Variants in HERC4 observed in about 807,000 individuals in gnomAD.
The protein encoded by HERC4 is HECT and RLD domain containing E3 ubiquitin protein ligase 4.
Under a neutral mutation model 124.3 loss-of-function variants are expected in HERC4, and 28 were observed. That is an observed-to-expected ratio of 0.23 (90% CI 0.17 to 0.31). The LOEUF (loss-of-function observed/expected upper bound fraction) is 0.31. HERC4 is among the 10% of genes least tolerant of loss of function. The pLI, the probability that HERC4 is intolerant of heterozygous loss-of-function variation, is 1.00. For synonymous variants in HERC4, 407 were observed against 421.5 expected (o/e 0.97, Z 0.42); for missense variants, 713 against 1,229.3 (o/e 0.58, Z 6.28).
intron 8 of HERC4, among the ~76,000 whole-genome samples, chr10:68,015,362 G>A (rs961166202): frequency 6.6e-6 from 1 of 152,178 alleles, no homozygotes; most frequent in Admixed American, 6.5e-5. Flanking sequence ...GCCCAGTTAA[G>A]CCCGGCCAAA....
intron 15 of HERC4, among the ~76,000 whole-genome samples, chr10:67,978,849 T>C (rs1354506334): frequency 2.6e-5 from 4 of 152,164 alleles, no homozygotes; most frequent in Non-Finnish European, 4.4e-5. Context: ...AGAGAATTCT[T>C]CCAGACCTTG....
At chr10:68,039,434 G>A (rs1189907634) in intron 4 of HERC4, 1 of 1,550,660 alleles carries the variant, frequency 6.4e-7, no homozygotes, top group Admixed American at 2.0e-5. Flanking sequence ...TGCCATAAGA[G>A]AGTCCGGAGC....
At chr10:68,055,707 T>C (rs964070831) in intron 3 of HERC4, among the ~76,000 whole-genome samples, 23 of 152,220 alleles carry the variant, frequency 1.5e-4, no homozygotes, top group Admixed American at 1.5e-3. Flanking sequence ...TTTCAATAAT[T>C]TACTTCCAAA....
At chr10:67,998,982 C>T (rs1323681810) in intron 9 of HERC4, among the ~76,000 whole-genome samples, 2 of 152,100 alleles carry the variant, frequency 1.3e-5, no homozygotes, top group Admixed American at 6.5e-5. Flanking sequence ...ACACCCATCT[C>T]GGCCTCCCAA....
At chr10:68,021,890 T>C (rs987413837) in intron 8 of HERC4, among the ~76,000 whole-genome samples, 4 of 152,144 alleles carry the variant, frequency 2.6e-5, no homozygotes, top group African/African-American at 7.2e-5. Flanking sequence ...TGATCATATA[T>C]GTAGAACACA....
intron 8 of HERC4, among the ~76,000 whole-genome samples, chr10:68,014,712 A>G (rs566867436): frequency 1.3e-5 from 2 of 152,272 alleles, no homozygotes; most frequent in East Asian, 3.9e-4. Flanking sequence ...ACGCACCAAA[A>G]CTCCTCTGGA....
At chr10:68,051,340 TA>T (rs1278097273) in intron 3 of HERC4, among the ~76,000 whole-genome samples, 5 of 134,858 alleles carry the variant, frequency 3.7e-5, no homozygotes, top group African/African-American at 1.2e-4. Flanking sequence ...ATGTTAACAC[TA>T]TTTTTTTTTT....
chr10:68,028,646 CAAAACA>C (rs1239121355), intron 7 of HERC4, among the ~76,000 whole-genome samples: 2 of 151,730 alleles, frequency 1.3e-5, no homozygotes, highest in Non-Finnish European at 2.9e-5. Flanking sequence ...CTCGTTATGG[CAAAACA>C]AAAACAAAAA....
intron 15 of HERC4, 48 bp downstream of exon 15, chr10:67,988,615 G>A: frequency 1.7e-6 from 2 of 1,191,826 alleles, no homozygotes; most frequent in East Asian, 2.5e-5. Context: ...GTATCAATCT[G>A]TTAATAGGAA....
intron 15 of HERC4, among the ~76,000 whole-genome samples, chr10:67,973,918 G>A (rs1279944071): frequency 4.0e-5 from 6 of 151,572 alleles, no homozygotes; most frequent in Non-Finnish European, 7.4e-5. Context: ...GCGGTGGCAC[G>A]TGCCTGTAGA....
At position 67,938,062 on chromosome 10, in the gene HERC4, C is replaced by T. The variant is rs1265005531; in HGVS notation, c.2571+1526G>A. ...CAAATTTTATGACAGCAGAATATGG[C>T]ATCTTTTGTCAGCTTTGACAAAACC... On this transcript the variant is annotated intron_variant, in intron 21 of 24. Transcript: ENST00000373700. Among the ~76,000 whole-genome samples, 3 of 152,028 alleles carry T rather than the reference C, an allele frequency of 2.0e-5. No homozygotes were observed. The South Asian group carries it at 6.2e-4, about 32-fold the overall frequency.
chr10:67,929,197 T>C (rs1477907905), intron 23 of HERC4, among the ~76,000 whole-genome samples: 1 of 152,228 alleles, frequency 6.6e-6, no homozygotes, highest in Non-Finnish European at 1.5e-5. Context: ...AAAATCTTAT[T>C]CCTTAAATTA....
intron 19 of HERC4, 94 bp downstream of exon 19, chr10:67,954,501 T>C (rs542647993): frequency 1.5e-5 from 14 of 950,664 alleles, no homozygotes; most frequent in African/African-American, 1.0e-4. Context: ...AGGGATCCAG[T>C]AGTAATTCCT....
intron 5 of HERC4, among the ~76,000 whole-genome samples, chr10:68,035,065 T>G (rs1198807385): frequency 1.3e-5 from 2 of 152,072 alleles, no homozygotes; most frequent in East Asian, 3.9e-4. Flanking sequence ...CTGATTTTTT[T>G]AAGTTGAAAC....
chr10:68,068,453 C>T (rs471341), intron 3 of HERC4: 68,752 of 145,658 alleles, frequency 0.47, 18,091 homozygotes, highest in East Asian at 0.85. Context: ...CACCACTGCA[C>T]GCCAGCCTGG....
chr10:67,991,046 A>G, intron 12 of HERC4, 31 bp from the exon 13 acceptor site: 1 of 1,366,956 alleles, frequency 7.3e-7, no homozygotes, highest in East Asian at 2.6e-5. Flanking sequence ...AAAAAAATAG[A>G]ATAAAAATTT....
intron 15 of HERC4, among the ~76,000 whole-genome samples, chr10:67,976,551 A>G (rs10997895): frequency 0.092 from 13,977 of 152,118 alleles, 1,048 homozygotes; most frequent in East Asian, 0.4. Flanking sequence ...CATGGACACC[A>G]ATTTAACAAC....
intron 1 of HERC4, chr10:68,074,266 A>G (rs2041705161): frequency 6.6e-6 from 1 of 152,218 alleles, no homozygotes; most frequent in Admixed American, 6.5e-5. Context: ...CTTATTCTGT[A>G]GCAGTCATCC....
At chr10:67,977,607 G>T (rs2035673522) in intron 15 of HERC4, among the ~76,000 whole-genome samples, 1 of 152,086 alleles carries the variant, frequency 6.6e-6, no homozygotes, top group Admixed American at 6.6e-5. Context: ...CCAGGACTTG[G>T]TTCTTAGATG....
Sources: gnomAD v4.1 joint callset for allele counts (sites outside exome capture counted in the v4.1 genomes callset) on GRCh38, gnomAD v4.1.1 for gene constraint, MANE v1.5 for transcripts, NCBI Gene and HGNC (gene_info 2026-07-23, HGNC 2026-07-21) for gene names.